The following XYLT1 variants were observed in gnomAD, a reference collection of about 807,000 sequenced individuals.
The protein encoded by XYLT1 is xylosyltransferase 1.
Under a neutral mutation model 91.3 loss-of-function variants are expected in XYLT1, and 36 were observed. That is an observed-to-expected ratio of 0.39 (90% CI 0.30 to 0.52). The LOEUF (loss-of-function observed/expected upper bound fraction) is 0.52, where lower values mean the gene tolerates loss of function less well. XYLT1 is among the 20% of genes least tolerant of loss of function. The probability of loss-of-function intolerance (pLI) is 0.68; values close to 1 mark genes in which losing one functional copy is unlikely to be tolerated. For missense variants in XYLT1, 1,242 were observed against 1,284.5 expected (o/e 0.97, Z 0.51); for synonymous variants, 588 against 532.0 (o/e 1.11, Z -1.45).
intron 1 of XYLT1, among the ~76,000 whole-genome samples, chr16:17,460,431 G>A (rs4613050): frequency 0.17 from 26,122 of 152,196 alleles, 2,578 homozygotes; most frequent in East Asian, 0.29. Flanking sequence ...CCAGCTAGGC[G>A]GGGAGGGAGA....
intron 1 of XYLT1, among the ~76,000 whole-genome samples, chr16:17,397,490 T>G (rs928523165): frequency 6.6e-5 from 10 of 152,208 alleles, no homozygotes; most frequent in Non-Finnish European, 1.5e-4. Context: ...ACCCTTCCCA[T>G]GGAGACCCCT....
chr16:17,236,108 G>T (rs540029516), intron 3 of XYLT1, among the ~76,000 whole-genome samples: 23 of 152,286 alleles, frequency 1.5e-4, no homozygotes, highest in African/African-American at 5.5e-4. Flanking sequence ...TTCATCAACA[G>T]ATCAGCATGG....
At chr16:17,250,623 A>T (rs11864238) in intron 3 of XYLT1, 3 of 152,174 alleles carry the variant, frequency 2.0e-5, no homozygotes, top group Non-Finnish European at 4.4e-5. Context: ...GGGTCTTCTG[A>T]TGTTCTCTGG....
chr16:17,252,311 G>A (rs1464223589), intron 3 of XYLT1, among the ~76,000 whole-genome samples: 1 of 152,184 alleles, frequency 6.6e-6, no homozygotes, highest in Non-Finnish European at 1.5e-5. Context: ...TATGTCATGA[G>A]TAACGGCAGA....
chr16:17,245,483 A>G (rs2033421965), intron 3 of XYLT1, among the ~76,000 whole-genome samples: 1 of 152,230 alleles, frequency 6.6e-6, no homozygotes, highest in Admixed American at 6.5e-5. Context: ...TTAGTTTACT[A>G]ATTTCGCCAT....
At chr16:17,463,212 G>C (rs758102769) in intron 1 of XYLT1, among the ~76,000 whole-genome samples, 1 of 152,108 alleles carries the variant, frequency 6.6e-6, no homozygotes, top group Non-Finnish European at 1.5e-5. Flanking sequence ...GGCAACAAAA[G>C]CAAAAATAGA....
intron 2 of XYLT1, among the ~76,000 whole-genome samples, chr16:17,345,534 G>T (rs2035132326): frequency 6.6e-6 from 1 of 152,230 alleles, no homozygotes; most frequent in South Asian, 2.1e-4. Context: ...GACGCAGCTT[G>T]CATTCACAAG....
chr16:17,463,630 A>G (rs544367955), intron 1 of XYLT1, among the ~76,000 whole-genome samples: 1 of 152,368 alleles, frequency 6.6e-6, no homozygotes, highest in South Asian at 2.1e-4. Context: ...TGGGAATGTA[A>G]ATTAGTACAG....
intron 1 of XYLT1, among the ~76,000 whole-genome samples, chr16:17,360,256 T>C (rs1247575607): frequency 6.6e-6 from 1 of 152,168 alleles, no homozygotes; most frequent in Non-Finnish European, 1.5e-5. Context: ...TTGCTTAGAA[T>C]CTCCAAGAGG....
intron 2 of XYLT1, among the ~76,000 whole-genome samples, chr16:17,268,664 A>G (rs11864620): frequency 6.7e-6 from 1 of 149,180 alleles, no homozygotes; most frequent in African/African-American, 2.5e-5. Flanking sequence ...TGAGTGATAA[A>G]TACTTTTTTT....
chr16:17,184,702 G>C (rs910532035), intron 5 of XYLT1, among the ~76,000 whole-genome samples: 27 of 152,138 alleles, frequency 1.8e-4, no homozygotes, highest in African/African-American at 6.3e-4. Context: ...GGACAGTGCT[G>C]GTCTAGAGCA....
intron 3 of XYLT1, among the ~76,000 whole-genome samples, chr16:17,218,556 G>C (rs574095718): frequency 5.1e-4 from 77 of 152,266 alleles, no homozygotes; most frequent in Non-Finnish European, 7.8e-4. Flanking sequence ...CTTCCAAAAT[G>C]TGCCTGCTCG....
chr16:17,313,500 T>C (rs1269899416), intron 2 of XYLT1, among the ~76,000 whole-genome samples: 15 of 152,128 alleles, frequency 9.9e-5, no homozygotes, highest in Non-Finnish European at 1.9e-4. Context: ...CTTAGAAATA[T>C]GTGGAGATGA....
intron 1 of XYLT1, among the ~76,000 whole-genome samples, chr16:17,464,996 T>C (rs1197215031): frequency 6.6e-6 from 1 of 151,434 alleles, no homozygotes; most frequent in Non-Finnish European, 1.5e-5. Context: ...ATACAAAAAT[T>C]AGCCAGGCGT....
At chr16:17,194,100 T>C (rs551468610) in intron 5 of XYLT1, 25 of 152,330 alleles carry the variant, frequency 1.6e-4, no homozygotes, top group Admixed American at 6.5e-4. Context: ...TCTGGGCCTC[T>C]CAGAGATACA....
At chr16:17,395,206 A>G (rs1286141782) in intron 1 of XYLT1, among the ~76,000 whole-genome samples, 1 of 152,166 alleles carries the variant, frequency 6.6e-6, no homozygotes, top group Non-Finnish European at 1.5e-5. Flanking sequence ...ACTCACTATC[A>G]TGAGAACAGC....
At chr16:17,387,716 A>G (rs1567404833) in intron 1 of XYLT1, among the ~76,000 whole-genome samples, 1 of 151,906 alleles carries the variant, frequency 6.6e-6, no homozygotes, top group Non-Finnish European at 1.5e-5. Flanking sequence ...TGAGTCCTGC[A>G]ACTTCCACAT....
intron 1 of XYLT1, among the ~76,000 whole-genome samples, chr16:17,408,693 A>C (rs930012550): frequency 1.2e-4 from 18 of 152,216 alleles, no homozygotes; most frequent in African/African-American, 4.3e-4. Flanking sequence ...TAAAAATACA[A>C]AAATTAGCTG....
Position 17,251,593 on chromosome 16 carries a change from A to T in XYLT1, c.913+7395T>A, listed in dbSNP as rs140946139. Among the ~76,000 whole-genome samples, 20 of 152,306 alleles carry T rather than the reference A, an allele frequency of 1.3e-4. No homozygotes were observed. The East Asian group carries it at 3.9e-3, about 29-fold the overall frequency. On this transcript the variant is annotated intron_variant, in intron 3 of 11. Coordinates refer to ENST00000261381, the MANE Select transcript of XYLT1 (RefSeq NM_022166.4). ...GCCTTTCTTGGGACATTTTAACTCA[A>T]GACACAGAGAGGCTGGTGGCCGTGA...
Sources: gnomAD v4.1 joint callset for allele counts (sites outside exome capture counted in the v4.1 genomes callset) on GRCh38, gnomAD v4.1.1 for gene constraint, MANE v1.5 for transcripts, NCBI Gene and HGNC (gene_info 2026-07-23, HGNC 2026-07-21) for gene names.